TENM2: variants seen among roughly 807,000 people sequenced by gnomAD.
TENM2 encodes teneurin-2.
A neutral mutation model predicts 245.2 loss-of-function variants in TENM2; 52 were observed. The observed-to-expected ratio is 0.21, with a 90% CI of 0.17 to 0.27. TENM2 has a LOEUF of 0.27. Ranked by LOEUF, TENM2 falls within the 10% of genes least tolerant of loss-of-function variation. The pLI, the probability that TENM2 is intolerant of heterozygous loss-of-function variation, is 1.00. For missense variants in TENM2, 3,046 were observed against 3,666.8 expected, an observed-to-expected ratio of 0.83 and a Z score of 4.37; for synonymous variants, 1,363 against 1,438.9, an observed-to-expected ratio of 0.95 and a Z score of 1.19.
chr5:167,664,277 G>A (rs765857084), intron 2 of TENM2, among the ~76,000 whole-genome samples: 3 of 152,160 alleles, frequency 2.0e-5, no homozygotes, highest in Non-Finnish European at 2.9e-5. Flanking sequence ...CTGCGATTAT[G>A]TATTTTTCAG....
At chr5:167,714,917 T>C (rs1175029286) in intron 2 of TENM2, among the ~76,000 whole-genome samples, 1 of 152,234 alleles carries the variant, frequency 6.6e-6, no homozygotes, top group East Asian at 1.9e-4. Flanking sequence ...TTAGAAGGGC[T>C]GAACTACTGA....
intron 5 of TENM2, among the ~76,000 whole-genome samples, chr5:168,004,517 G>A (rs6891219): frequency 0.029 from 3,855 of 132,112 alleles, 162 homozygotes; most frequent in African/African-American, 0.099. Flanking sequence ...GCGCGCGCGC[G>A]CACACACACA....
chr5:168,194,734 C>T (rs1416317701), intron 14 of TENM2, among the ~76,000 whole-genome samples: 1 of 152,128 alleles, frequency 6.6e-6, no homozygotes, highest in Non-Finnish European at 1.5e-5. Context: ...CTGTGCTCCC[C>T]TCTACCCACT....
At chr5:167,404,458 C>A (rs1762521995) in intron 2 of TENM2, among the ~76,000 whole-genome samples, 5 of 152,068 alleles carry the variant, frequency 3.3e-5, no homozygotes, top group Admixed American at 3.3e-4. Context: ...AAGGAGAGTT[C>A]ATACGAGTTA....
the TENM2 span, among the ~76,000 whole-genome samples, chr5:167,246,941 C>G: frequency 6.6e-6 from 1 of 151,810 alleles, no homozygotes; most frequent in African/African-American, 2.4e-5. Flanking sequence ...TTCATTTTGA[C>G]AAGTTTATAG....
chr5:168,123,962 C>T (rs1226361948), intron 10 of TENM2, among the ~76,000 whole-genome samples: 1 of 152,222 alleles, frequency 6.6e-6, no homozygotes, highest in Admixed American at 6.5e-5. Flanking sequence ...TGCAAAAAGT[C>T]CTGTCCTCAA....
chr5:168,185,853 G>A (rs1760341911), intron 13 of TENM2, among the ~76,000 whole-genome samples: 2 of 146,636 alleles, frequency 1.4e-5, no homozygotes, highest in African/African-American at 4.9e-5. Flanking sequence ...AAAAGTGGAA[G>A]ACTTCAGGGA....
chr5:167,921,895 G>C (rs1777400408), intron 3 of TENM2, among the ~76,000 whole-genome samples: 1 of 152,160 alleles, frequency 6.6e-6, no homozygotes, highest in South Asian at 2.1e-4. Context: ...TGAAGGCTGA[G>C]AGGATTATAG....
intron 2 of TENM2, among the ~76,000 whole-genome samples, chr5:167,663,121 G>A (rs1465460151): frequency 1.3e-5 from 2 of 150,860 alleles, no homozygotes; most frequent in African/African-American, 4.9e-5. Context: ...GAGATAGAGA[G>A]ACAGAGAGAA....
the TENM2 span, among the ~76,000 whole-genome samples, chr5:167,234,137 C>T: frequency 5.3e-5 from 8 of 152,086 alleles, no homozygotes; most frequent in Non-Finnish European, 7.4e-5. Context: ...CTGGTTCCCC[C>T]GAGTTACCAA....
At chr5:167,836,579 A>C (rs542986454) in intron 2 of TENM2, among the ~76,000 whole-genome samples, 1 of 152,342 alleles carries the variant, frequency 6.6e-6, no homozygotes, top group African/African-American at 2.4e-5. Context: ...AAAATGTCAC[A>C]CTTGTAACCA....
At chr5:167,939,149 C>T (rs1052623063) in intron 3 of TENM2, among the ~76,000 whole-genome samples, 1 of 152,136 alleles carries the variant, frequency 6.6e-6, no homozygotes, top group East Asian at 1.9e-4. Flanking sequence ...CATTCCTCAA[C>T]CTTTTTGGCA....
intron 1 of TENM2, among the ~76,000 whole-genome samples, chr5:167,315,883 T>C (rs1158222396): frequency 6.6e-6 from 1 of 152,134 alleles, no homozygotes; most frequent in Non-Finnish European, 1.5e-5. Context: ...TTAGGAACAA[T>C]TATAGCTAGA....
the TENM2 span, chr5:167,116,678 A>G: frequency 2.0e-5 from 3 of 151,952 alleles, no homozygotes; most frequent in Non-Finnish European, 4.4e-5. Flanking sequence ...TGAGCAGTAG[A>G]TACTTGTTTC....
chr5:167,728,756 G>A (rs2150548430), intron 2 of TENM2: 1 of 152,944 alleles, frequency 6.5e-6, no homozygotes, highest in East Asian at 1.9e-4. Flanking sequence ...ACAAAAATTA[G>A]CCTCCAATCA....
chr5:167,537,766 C>T (rs533284641), intron 2 of TENM2, among the ~76,000 whole-genome samples: 9 of 152,256 alleles, frequency 5.9e-5, no homozygotes, highest in Admixed American at 2.0e-4. Context: ...TTATAACCCA[C>T]GTGGGTATCA....
chr5:167,051,545 A>C, the TENM2 span, among the ~76,000 whole-genome samples: 1 of 152,162 alleles, frequency 6.6e-6, no homozygotes, highest in East Asian at 1.9e-4. Context: ...GGAGACCCTA[A>C]TGTGAAACAA....
chr5:167,421,424 A>AG (rs1763500549), intron 2 of TENM2, among the ~76,000 whole-genome samples: 1 of 152,186 alleles, frequency 6.6e-6, no homozygotes, highest in South Asian at 2.1e-4. Context: ...CCATTTAACT[A>AG]GAGATCAGAC....
At chr5:167,982,834 A>G (rs1782945380) in intron 4 of TENM2, among the ~76,000 whole-genome samples, 1 of 152,346 alleles carries the variant, frequency 6.6e-6, no homozygotes, top group African/African-American at 2.4e-5. Flanking sequence ...AAACAAATGT[A>G]ATCACATGAA....
Sources: allele counts gnomAD v4.1 joint callset (sites outside exome capture counted in the v4.1 genomes callset), GRCh38; gene constraint gnomAD v4.1.1; transcripts MANE v1.5; gene names NCBI Gene and HGNC (gene_info 2026-07-23, HGNC 2026-07-21).